Variants in DST observed in about 807,000 individuals in gnomAD.
DST encodes bullous pemphigoid antigen.
In DST, 253 loss-of-function variants were observed where a neutral mutation model predicts 875.2. That is an observed-to-expected ratio of 0.29 (90% confidence interval 0.26 to 0.32). DST has a LOEUF of 0.32. DST is among the 10% of genes least tolerant of loss of function. DST has a pLI of 1.00. For synonymous variants in DST, 3,124 were observed against 3,197.1 expected (o/e 0.98, Z 0.77); for missense variants, 8,287 against 9,111.6 (o/e 0.91, Z 3.68).
intron 87 of DST, among the ~76,000 whole-genome samples, chr6:56,486,864 G>A (rs1442155380): frequency 6.6e-6 from 1 of 152,188 alleles, no homozygotes. Context: ...GTGTAGTCAA[G>A]TCTGAGATGG....
chr6:56,924,294 C>T (rs1001298643), intron 2 of DST, among the ~76,000 whole-genome samples: 7 of 152,102 alleles, frequency 4.6e-5, no homozygotes, highest in African/African-American at 1.2e-4. Context: ...AGAGTTGGAA[C>T]GATAAACATA....
intron 9 of DST, chr6:56,692,406 C>T: frequency 7.8e-7 from 1 of 1,280,372 alleles, no homozygotes; most frequent in South Asian, 1.3e-5. Flanking sequence ...CATCTGTGTC[C>T]TTAGAAACAG....
chr6:56,720,666 T>C (rs1267055192), intron 5 of DST, among the ~76,000 whole-genome samples: 1 of 152,124 alleles, frequency 6.6e-6, no homozygotes, highest in Non-Finnish European at 1.5e-5. Context: ...AGCACGGGGT[T>C]GGGGGTAAGG....
intron 49 of DST, among the ~76,000 whole-genome samples, chr6:56,589,545 T>C (rs1200300008): frequency 2.6e-5 from 4 of 152,198 alleles, no homozygotes; most frequent in Non-Finnish European, 5.9e-5. Context: ...TGGGCATTTG[T>C]ACAATTCATA....
intron 15 of DST, chr6:56,642,718 C>G: frequency 6.2e-7 from 1 of 1,614,134 alleles, no homozygotes; most frequent in Non-Finnish European, 8.5e-7. Context: ...TGAATCAAGA[C>G]TGGTTCGAGT....
At chr6:56,761,663 G>A (rs1368240569) in intron 4 of DST, among the ~76,000 whole-genome samples, 3 of 151,728 alleles carry the variant, frequency 2.0e-5, no homozygotes, top group East Asian at 1.9e-4. Context: ...AACAGGCCTA[G>A]GGTTGGGTCC....
chr6:56,523,273 A>AT (rs1221063459), intron 69 of DST, among the ~76,000 whole-genome samples: 2 of 152,170 alleles, frequency 1.3e-5, no homozygotes, highest in African/African-American at 4.8e-5. Flanking sequence ...TTTCTCAAAT[A>AT]ATAACAAATA....
At chr6:56,466,402 A>AT (rs1562173817) in intron 98 of DST, 7 of 380,494 alleles carry the variant, frequency 1.8e-5, no homozygotes, top group Non-Finnish European at 2.8e-5. Flanking sequence ...GTTTGAAAAA[A>AT]AAAAGATTAC....
intron 69 of DST, among the ~76,000 whole-genome samples, chr6:56,518,167 C>T (rs1164630593): frequency 6.6e-6 from 1 of 152,040 alleles, no homozygotes. Flanking sequence ...TTTTAAGCAT[C>T]TCATTTAATA....
intron 4 of DST, among the ~76,000 whole-genome samples, chr6:56,766,694 C>A (rs1387738439): frequency 6.6e-6 from 1 of 152,136 alleles, no homozygotes; most frequent in Non-Finnish European, 1.5e-5. Context: ...CCATGCCCAG[C>A]TAATTTTTGC....
In DST at chr6:56,527,475, G is replaced by A. The variant is rs1248408070; in HGVS notation, c.17922+18C>T. The A allele has an allele frequency of 1.9e-6, 3 of 1,607,642 alleles. No homozygotes were observed. In the East Asian group the frequency reaches 6.7e-5, roughly 36 times the overall value. On this transcript the variant is annotated intron_variant, in intron 68 of 103. Transcript: ENST00000680361. ...AAAAGATAAAAGACTAATCCAAAAT[G>A]CAGAAATCAGAGCTTACCTTTGGTC...
At chr6:56,667,085 T>C (rs2152821826) in intron 10 of DST, among the ~76,000 whole-genome samples, 1 of 152,302 alleles carries the variant, frequency 6.6e-6, no homozygotes, top group Non-Finnish European at 1.5e-5. Context: ...AATTTTTAAA[T>C]TTTTTGTAGA....
In DST at chr6:56,605,672, T is replaced by C; in HGVS notation, c.8956A>G (p.Met2986Val). ...VKGKDEYFKN[M>V]TPKVDSSLDH... ...AGAGATGAGTCAACTTTTGGTGTCA[T>C]ATTCTTAAAATATTCATCTTTACCT... The change falls in exon 40 of 104, where the codon ATG becomes GTG. Residue 2986 changes from methionine to valine, a missense_variant. By Grantham distance (21) the Met-to-Val change is conservative. Around this residue, in one of 10 missense-constraint regions of DST, gnomAD observed 3,138 missense variants for 3,116.6 expected, o/e 1.01. Transcript: ENST00000680361. 1.2e-6 allele frequency: 2 copies of C among 1,612,972 alleles called. No individual in the cohort carries two copies. Among genetic ancestry groups the C allele is most frequent in the South Asian group, 2.2e-5 (2 of 91,066 alleles).
At chr6:56,530,227 T>A in intron 64 of DST, 94 bp from the exon 65 acceptor site, 1 of 926,886 alleles carries the variant, frequency 1.1e-6, no homozygotes, top group Non-Finnish European at 1.5e-6. Context: ...ATTCTAAACA[T>A]TTTCTGTAGA....
intron 4 of DST, among the ~76,000 whole-genome samples, chr6:56,752,334 A>T (rs1384505491): frequency 6.6e-6 from 1 of 152,066 alleles, no homozygotes; most frequent in Non-Finnish European, 1.5e-5. Flanking sequence ...TTTTTTTTTA[A>T]ATCAAGGTAC....
chr6:56,902,525 G>C (rs1367343341), intron 2 of DST, among the ~76,000 whole-genome samples: 1 of 152,240 alleles, frequency 6.6e-6, no homozygotes. Context: ...TTTAAAAAAG[G>C]AGGGGGTTAA....
At chr6:56,629,148 A>AACTATG (rs2098757198) in intron 32 of DST, 102 bp downstream of exon 32, 1 of 1,144,726 alleles carries the variant, frequency 8.7e-7, no homozygotes, top group African/African-American at 1.5e-5. Context: ...TTAACAAATT[A>AACTATG]ACTATGGAAG....
Position 56,527,593 on chromosome 6 carries a change from T to G in DST, c.17822A>C (p.Glu5941Ala). The change falls in exon 68 of 104, where the codon GAG becomes GCG. Residue 5941 changes from glutamate to alanine, a missense_variant. Physicochemically the swap from Glu to Ala is moderately radical, Grantham distance 107 (BLOSUM62 -1). Transcript: ENST00000680361. Reference protein sequence around the residue: ...LARRLHSTHEELCTWLDKVEV... With the variant: ...LARRLHSTHEALCTWLDKVEV... ...CACTTTGTCCAGCCAGGTACACAGC[T>G]CTTCGTGTGTGGAGTGCAGCCGCCT... is the stretch of plus-strand genomic sequence containing the variant. The G allele has an allele frequency of 6.2e-7, 1 of 1,613,878 alleles. No homozygotes were observed. Among genetic ancestry groups the G allele is most frequent in the Non-Finnish European group, 8.5e-7 (1 of 1,179,842 alleles).
At chr6:56,800,910 C>G (rs1590739838) in intron 4 of DST, among the ~76,000 whole-genome samples, 1 of 151,358 alleles carries the variant, frequency 6.6e-6, no homozygotes, top group Non-Finnish European at 1.5e-5. Flanking sequence ...GCCCCAGGTA[C>G]TCAGGAGGCT....
Sources: gnomAD v4.1 joint callset for allele counts (sites outside exome capture counted in the v4.1 genomes callset) on GRCh38, gnomAD v4.1.1 for gene constraint, gnomAD v4.1.1 regional missense constraint, MANE v1.5 for transcripts, NCBI Gene and HGNC (gene_info 2026-07-23, HGNC 2026-07-21) for gene names.